The following DNAAF11 variants were observed in gnomAD, a reference collection of about 807,000 sequenced individuals.
DNAAF11 encodes the protein dynein axonemal assembly factor 11.
In DNAAF11, 45 loss-of-function variants were observed where a neutral mutation model predicts 60.8. The observed-to-expected ratio is 0.74, with a 90% confidence interval of 0.58 to 0.95. The LOEUF is 0.95. DNAAF11 is among the 40% of genes least tolerant of loss of function. The pLI is 0.00. For missense variants in DNAAF11, 546 were observed against 546.2 expected (o/e 1.00, Z 0.00); for synonymous variants, 191 against 183.5 (o/e 1.04, Z -0.33).
At chr8:132,616,973 G>T (rs1819225499) in intron 7 of DNAAF11, among the ~76,000 whole-genome samples, 1 of 152,134 alleles carries the variant, frequency 6.6e-6, no homozygotes, top group Admixed American at 6.6e-5. Flanking sequence ...ATCAAAGGAG[G>T]CAACAGTGGG....
At chr8:132,650,845 G>T (rs961110057) in intron 3 of DNAAF11, among the ~76,000 whole-genome samples, 1 of 152,194 alleles carries the variant, frequency 6.6e-6, no homozygotes, top group African/African-American at 2.4e-5. Flanking sequence ...AGCCTCCAAT[G>T]AGGTGAAAAT....
At chr8:132,574,964 G>A (rs112897357) in intron 11 of DNAAF11, among the ~76,000 whole-genome samples, 2 of 152,168 alleles carry the variant, frequency 1.3e-5, no homozygotes, top group African/African-American at 4.8e-5. Flanking sequence ...TTCTTGACAT[G>A]TGGCACATAA....
At chr8:132,607,490 A>C (rs1818245131) in intron 10 of DNAAF11, among the ~76,000 whole-genome samples, 3 of 152,142 alleles carry the variant, frequency 2.0e-5, no homozygotes, top group Non-Finnish European at 4.4e-5. Context: ...CATAACCATG[A>C]CCCACATGAC....
chr8:132,657,799 CTA>C (rs1823732495), intron 2 of DNAAF11, among the ~76,000 whole-genome samples: 2 of 152,152 alleles, frequency 1.3e-5, no homozygotes, highest in Non-Finnish European at 2.9e-5. Context: ...CATAATAACC[CTA>C]TGAGGTCAAA....
At chr8:132,649,763 A>C (rs1165381731) in intron 3 of DNAAF11, among the ~76,000 whole-genome samples, 2 of 152,250 alleles carry the variant, frequency 1.3e-5, no homozygotes, top group Non-Finnish European at 2.9e-5. Flanking sequence ...AGACGCATGA[A>C]AAAATGCTCA....
intron 5 of DNAAF11, among the ~76,000 whole-genome samples, chr8:132,627,000 A>C (rs911253513): frequency 2.0e-5 from 3 of 152,242 alleles, no homozygotes; most frequent in Non-Finnish European, 4.4e-5. Flanking sequence ...TAGAATATAG[A>C]GTAAAATTCT....
At chr8:132,681,500 C>A in the DNAAF11 span, among the ~76,000 whole-genome samples, 1 of 152,110 alleles carries the variant, frequency 6.6e-6, no homozygotes, top group East Asian at 1.9e-4. Context: ...TGGAGGAGGG[C>A]AGCATTACTT....
intron 5 of DNAAF11, 78 bp downstream of exon 5, chr8:132,632,662 G>T: frequency 1.0e-6 from 1 of 1,003,990 alleles, no homozygotes; most frequent in Non-Finnish European, 1.6e-6. Flanking sequence ...TAAGTGTACT[G>T]CAAACAACTT....
chr8:132,613,854 T>C (rs1490231356), intron 8 of DNAAF11, among the ~76,000 whole-genome samples: 1 of 152,070 alleles, frequency 6.6e-6, no homozygotes, highest in Non-Finnish European at 1.5e-5. Context: ...TTAAATAAAA[T>C]GGGGCACATC....
chr8:132,624,871 T>C (rs1219226997), intron 6 of DNAAF11, among the ~76,000 whole-genome samples: 4 of 152,170 alleles, frequency 2.6e-5, no homozygotes, highest in South Asian at 2.1e-4. Context: ...ATAAAATGTC[T>C]AATGAAACTA....
At chr8:132,573,346 T>C (rs1273874884) in intron 11 of DNAAF11, among the ~76,000 whole-genome samples, 10 of 152,200 alleles carry the variant, frequency 6.6e-5, no homozygotes, top group Admixed American at 3.9e-4. Context: ...AGGTGTTGTA[T>C]AGGCACCAGG....
chr8:132,576,787 A>G (rs1449887961), intron 11 of DNAAF11, among the ~76,000 whole-genome samples: 1 of 146,866 alleles, frequency 6.8e-6, no homozygotes, highest in South Asian at 2.1e-4. Context: ...GATAAGGGAT[A>G]CTCAACCTGT....
intron 10 of DNAAF11, among the ~76,000 whole-genome samples, chr8:132,597,293 G>GA (rs1364183332): frequency 6.6e-6 from 1 of 152,112 alleles, no homozygotes; most frequent in East Asian, 1.9e-4. Context: ...TGCCATTCTT[G>GA]AGAGCACCAC....
chr8:132,627,350 T>C (rs1820377496), intron 5 of DNAAF11, among the ~76,000 whole-genome samples: 1 of 152,164 alleles, frequency 6.6e-6, no homozygotes, highest in Admixed American at 6.5e-5. Context: ...AACATAAGTC[T>C]CCAAGGCAAA....
chr8:132,668,761 G>C (rs67001729), intron 1 of DNAAF11, among the ~76,000 whole-genome samples: 9,684 of 152,210 alleles, frequency 0.064, 416 homozygotes, highest in South Asian at 0.099. Context: ...ATCTTGAAAT[G>C]TGAGTAGATG....
At chr8:132,644,892 C>T (rs1003839828) in intron 3 of DNAAF11, among the ~76,000 whole-genome samples, 1 of 152,230 alleles carries the variant, frequency 6.6e-6, no homozygotes, top group Non-Finnish European at 1.5e-5. Flanking sequence ...CCTCTGTAGA[C>T]TCCACCTCTG....
intron 11 of DNAAF11, among the ~76,000 whole-genome samples, chr8:132,572,896 C>T (rs1814356366): frequency 6.6e-6 from 1 of 152,118 alleles, no homozygotes; most frequent in African/African-American, 2.4e-5. Context: ...CCTCCTGCTT[C>T]AGACAATCTA....
chr8:132,638,038 A>T lies in DNAAF11; in HGVS notation c.326T>A (p.Leu109Ter). Residue 109 changes from leucine to a stop codon, truncating the protein, a stop_gained, in exon 4 of 12, where the codon TTG becomes TAG. Transcript: ENST00000620350. LOFTEE classifies it high-confidence loss of function. ...CTCCTTCAGATGGATATTGTGCTGC[A>T]AGTTTTTAATGCTGCTCAGCTCTCC... ...FIGELSSIKN[L>*]QHNIHLKELF... The T allele has an allele frequency of 1.2e-6, 2 of 1,614,196 alleles. No individual in the cohort carries two copies. Among genetic ancestry groups the T allele is most frequent in the Non-Finnish European group, 1.7e-6 (2 of 1,180,012 alleles).
intron 4 of DNAAF11, 79 bp from the exon 5 acceptor site, chr8:132,633,042 A>C: frequency 1.2e-6 from 1 of 807,720 alleles, no homozygotes; most frequent in East Asian, 2.6e-5. Flanking sequence ...TTTGATTAGA[A>C]ATAATAATAT....
Sources: allele counts gnomAD v4.1 joint callset (sites outside exome capture counted in the v4.1 genomes callset), GRCh38; gene constraint gnomAD v4.1.1; transcripts MANE v1.5; gene names NCBI Gene and HGNC (gene_info 2026-07-23, HGNC 2026-07-21).